Variants in KIFC3 observed in about 807,000 individuals in gnomAD.
The protein encoded by KIFC3 is kinesin-like protein KIFC3.
A neutral mutation model predicts 101.8 loss-of-function variants in KIFC3; 60 were observed. The ratio of observed to expected loss-of-function variants is 0.59; its 90% CI spans 0.48 to 0.73. The LOEUF (loss-of-function observed/expected upper bound fraction) is 0.73, where lower values mean the gene tolerates loss of function less well. KIFC3 is among the 30% of genes least tolerant of loss of function. KIFC3 has a pLI of 0.00. For missense variants in KIFC3, 966 were observed against 1,137.1 expected, an observed-to-expected ratio of 0.85 and a Z score of 2.16; for synonymous variants, 476 against 482.7, an observed-to-expected ratio of 0.99 and a Z score of 0.18.
chr16:57,855,115 C>CTTTCT (rs1386788811), intron 1 of KIFC3, among the ~76,000 whole-genome samples: 17 of 117,614 alleles, frequency 1.4e-4, no homozygotes, highest in East Asian at 7.2e-4. Context: ...CTCCCCATTT[C>CTTTCT]TTTCTTTTTT....
intron 1 of KIFC3, among the ~76,000 whole-genome samples, chr16:57,850,947 C>CTCCTTCCTTCCTTCCT (rs200153757): frequency 1.3e-4 from 7 of 52,610 alleles, no homozygotes; most frequent in African/African-American, 3.6e-4. Flanking sequence ...CCTTCCCTCC[C>CTCCTTCCTTCCTTCCT]TCCTTCCTTC....
At chr16:57,768,509 T>TCACACA (rs61591593) in intron 9 of KIFC3, among the ~76,000 whole-genome samples, 88 of 139,128 alleles carry the variant, frequency 6.3e-4, no homozygotes, top group African/African-American at 1.7e-3. Context: ...CCATATATTC[T>TCACACA]CACACACACA....
intron 2 of KIFC3, among the ~76,000 whole-genome samples, chr16:57,796,223 T>C (rs77299335): frequency 0.11 from 16,893 of 152,206 alleles, 1,049 homozygotes; most frequent in Middle Eastern, 0.19. Flanking sequence ...TCAGTTTGCT[T>C]GTCAATAAAA....
intron 1 of KIFC3, among the ~76,000 whole-genome samples, chr16:57,842,958 C>T (rs1463044761): frequency 2.0e-5 from 3 of 152,044 alleles, no homozygotes; most frequent in Non-Finnish European, 2.9e-5. Flanking sequence ...CAAGGTGAAA[C>T]CCCGTCTCTA....
chr16:57,859,658 TG>T (rs1442444515), intron 1 of KIFC3, among the ~76,000 whole-genome samples: 1 of 152,058 alleles, frequency 6.6e-6, no homozygotes, highest in Non-Finnish European at 1.5e-5. Context: ...CCAGTTACAG[TG>T]GGAGGGCAAC....
intron 1 of KIFC3, among the ~76,000 whole-genome samples, chr16:57,832,321 CTTTTTTTTTTTT>C (rs1165977084): frequency 4.1e-5 from 3 of 73,494 alleles, no homozygotes; most frequent in Non-Finnish European, 7.2e-5. Flanking sequence ...GCGCCAGGCC[CTTTTTTTTTTTT>C]TTTTTTTTTT....
chr16:57,765,769 G>A lies in KIFC3; in HGVS notation c.1331-129C>T, dbSNP rs1555602438. The A allele has an allele frequency of 3.9e-6, 3 of 765,232 alleles. No homozygotes were observed. The African/African-American group carries it at 5.3e-5, about 14-fold the overall frequency. 47.4% of individuals were successfully genotyped at this position (765,232 alleles called of 1,614,324 possible). ...TGACTTTTAAGCACAGCCCCCTAGG[G>A]GAAGGGGGCCCACAAAGCTGTTATC... On this transcript the variant is annotated intron_variant, in intron 10 of 19. Coordinates refer to ENST00000445690, the MANE Select transcript of KIFC3 (RefSeq NM_001130100.2).
chr16:57,853,820 A>T (rs908096822), intron 1 of KIFC3, among the ~76,000 whole-genome samples: 7 of 152,084 alleles, frequency 4.6e-5, no homozygotes, highest in African/African-American at 1.7e-4. Context: ...TTTAGTAGAG[A>T]TGGGGTTTCA....
intron 1 of KIFC3, chr16:57,862,696 A>G: frequency 1.0e-6 from 1 of 989,826 alleles, no homozygotes; most frequent in Non-Finnish European, 1.4e-6. Flanking sequence ...TCCTCCTCCC[A>G]TTCCCACTGC....
intron 1 of KIFC3, among the ~76,000 whole-genome samples, chr16:57,819,079 A>ACAGCCCCACTGT (rs535352050): frequency 0.034 from 5,239 of 152,128 alleles, 137 homozygotes; most frequent in Non-Finnish European, 0.052. Context: ...AGATACAGGC[A>ACAGCCCCACTGT]CAGCCCCACT....
rs142232655 is a variant in KIFC3 at position 57,786,167 on chromosome 16, T to TA, written c.315+8831dup. ...AGAGGGGAGCCAGGGGAGCCGTGTG[T>TA]ATGTGCGAGGGACAGACAGACCAGG... On this transcript the variant is annotated intron_variant, in intron 3 of 19. Transcript: ENST00000445690. Among the ~76,000 whole-genome samples, 1,243 of 152,280 alleles carry TA rather than the reference T, an allele frequency of 8.2e-3. 10 individuals carry two copies. Among genetic ancestry groups the TA allele is most frequent in the African/African-American group, 0.027 (1,126 of 41,562 alleles).
At chr16:57,771,496 G>T in intron 5 of KIFC3, 47 bp downstream of exon 5, 1 of 1,609,750 alleles carries the variant, frequency 6.2e-7, no homozygotes, top group Non-Finnish European at 8.5e-7. Context: ...TGAGGAGCTG[G>T]GGTGGCCCTC....
chr16:57,835,172 C>T (rs549621369), intron 1 of KIFC3, among the ~76,000 whole-genome samples: 21 of 152,220 alleles, frequency 1.4e-4, no homozygotes, highest in Admixed American at 2.0e-4. Context: ...ACAATAGCAC[C>T]GATATTTGAA....
At chr16:57,831,901 CTG>C (rs1335744995) in intron 1 of KIFC3, among the ~76,000 whole-genome samples, 2 of 152,212 alleles carry the variant, frequency 1.3e-5, no homozygotes, top group Admixed American at 6.5e-5. Context: ...CAACTATAAA[CTG>C]GATCCCTCAT....
At chr16:57,760,169 A>G in intron 17 of KIFC3, 113 bp downstream of exon 17, 1 of 1,293,406 alleles carries the variant, frequency 7.7e-7, no homozygotes, top group Non-Finnish European at 1.1e-6. Flanking sequence ...CAACTCCGGC[A>G]GCTTCCCTGC....
At chr16:57,838,728 T>C (rs1174701481) in intron 1 of KIFC3, among the ~76,000 whole-genome samples, 1 of 152,198 alleles carries the variant, frequency 6.6e-6, no homozygotes, top group African/African-American at 2.4e-5. Context: ...TGATCATAGC[T>C]TTGCTTAATC....
rs782226613 is a variant in KIFC3 at position 57,760,920 on chromosome 16, G to A, written c.2038C>T (p.Arg680Cys). ...LNLVDLAGSE[R>C]VGKSGAEGSR... is the part of the protein sequence containing the mutation. Reference sequence around the variant, plus strand: ...CCCTCGGCCCCCGACTTGCCCACGCGCTCCGAGCCAGCCAAGTCCACCAGG... The same window carrying A: ...CCCTCGGCCCCCGACTTGCCCACGCACTCCGAGCCAGCCAAGTCCACCAGG... The change falls in exon 16 of 20, where the codon CGC (arginine) becomes TGC (cysteine). Residue 680 changes from arginine (R) to cysteine (C), a missense_variant. Arg to Cys is a radical substitution (Grantham distance 180). Around this residue, in one of 2 missense-constraint regions of KIFC3, gnomAD observed 689 missense variants for 884.6 expected, o/e 0.78. Transcript: ENST00000445690. 3.7e-6 allele frequency: 6 copies of A among 1,607,158 alleles called. No individual in the cohort carries two copies. Among genetic ancestry groups the A allele is most frequent in the Non-Finnish European group, 3.4e-6 (4 of 1,178,934 alleles).
chr16:57,849,093 A>G (rs931848722), intron 1 of KIFC3, among the ~76,000 whole-genome samples: 2 of 152,212 alleles, frequency 1.3e-5, no homozygotes, highest in Non-Finnish European at 2.9e-5. Context: ...CAGACAGTAC[A>G]GAGATTAACA....
chr16:57,766,443 G>A (rs953980912), intron 10 of KIFC3, among the ~76,000 whole-genome samples: 9 of 152,226 alleles, frequency 5.9e-5, no homozygotes, highest in Non-Finnish European at 1.3e-4. Flanking sequence ...GAGGCAGTCT[G>A]TGGGGCCACG....
Sources: gnomAD v4.1 joint callset for allele counts (sites outside exome capture counted in the v4.1 genomes callset) on GRCh38, gnomAD v4.1.1 for gene constraint, gnomAD v4.1.1 regional missense constraint, MANE v1.5 for transcripts, NCBI Gene and HGNC (gene_info 2026-07-23, HGNC 2026-07-21) for gene names.